ENOX1: variants seen among roughly 807,000 people sequenced by gnomAD.
The protein encoded by ENOX1 is ecto-NOX disulfide-thiol exchanger 1, also known as candidate growth-related and time keeping constitutive hydroquinone (NADH) oxidase.
ENOX1 carries 42 observed loss-of-function variants against 82.5 expected under a neutral mutation model. The observed-to-expected ratio is 0.51, with a 90% CI of 0.40 to 0.66. The LOEUF is 0.66. Among genes scored for constraint, ENOX1 ranks in the 30% least tolerant of loss-of-function variants. The pLI is 0.00. For synonymous variants in ENOX1, 271 were observed against 282.2 expected, an observed-to-expected ratio of 0.96 and a Z score of 0.40; for missense variants, 608 against 811.6, an observed-to-expected ratio of 0.75 and a Z score of 3.05.
At chr13:43,634,228 C>G (rs1296859002) in intron 2 of ENOX1, among the ~76,000 whole-genome samples, 2 of 152,160 alleles carry the variant, frequency 1.3e-5, no homozygotes, top group Non-Finnish European at 2.9e-5. Flanking sequence ...TCATCCTGGA[C>G]TAACCTAAGC....
chr13:43,765,152 T>A (rs1951195135), intron 1 of ENOX1, among the ~76,000 whole-genome samples: 1 of 152,136 alleles, frequency 6.6e-6, no homozygotes, highest in South Asian at 2.1e-4. Flanking sequence ...GTCATATTCC[T>A]CAACATGGCA....
chr13:43,339,006 C>T (rs1047324051), intron 9 of ENOX1, among the ~76,000 whole-genome samples: 2 of 152,132 alleles, frequency 1.3e-5, no homozygotes, highest in South Asian at 4.1e-4. Context: ...TTAATTACAG[C>T]CCCCTGACAC....
chr13:43,366,763 A>T (rs1361767840), intron 5 of ENOX1, among the ~76,000 whole-genome samples: 1 of 152,206 alleles, frequency 6.6e-6, no homozygotes, highest in Admixed American at 6.5e-5. Context: ...GGGAAATTTA[A>T]CTAATCATTC....
At chr13:43,700,079 T>C (rs547330756) in intron 1 of ENOX1, among the ~76,000 whole-genome samples, 40 of 152,314 alleles carry the variant, frequency 2.6e-4, no homozygotes, top group African/African-American at 8.7e-4. Flanking sequence ...TTAACAATTG[T>C]TTGTTTTTAA....
intron 3 of ENOX1, among the ~76,000 whole-genome samples, chr13:43,444,814 ACT>A (rs1363144573): frequency 6.6e-6 from 1 of 152,090 alleles, no homozygotes; most frequent in African/African-American, 2.4e-5. Context: ...TGGGGATTTC[ACT>A]CTTTTATTAT....
intron 6 of ENOX1, among the ~76,000 whole-genome samples, chr13:43,360,322 T>C (rs2050416427): frequency 6.6e-6 from 1 of 152,134 alleles, no homozygotes; most frequent in Non-Finnish European, 1.5e-5. Context: ...TTGCATAATT[T>C]CATTTCTCCT....
At chr13:43,662,669 C>T (rs2084791734) in intron 2 of ENOX1, among the ~76,000 whole-genome samples, 1 of 152,178 alleles carries the variant, frequency 6.6e-6, no homozygotes, top group Admixed American at 6.5e-5. Flanking sequence ...AGTTCTACCT[C>T]TGTAGCAGCC....
intron 3 of ENOX1, among the ~76,000 whole-genome samples, chr13:43,422,612 G>T (rs1003258309): frequency 6.6e-6 from 1 of 152,148 alleles, no homozygotes; most frequent in African/African-American, 2.4e-5. Flanking sequence ...TATCTTTGAA[G>T]AACTCTATAT....
At position 43,361,304 on chromosome 13, in the gene ENOX1, G is replaced by A. The variant is rs746177818; in HGVS notation, c.357C>T (p.Ser119=). The change falls in exon 6 of 17, where the codon AGC becomes AGT. Residue 119 remains serine, a synonymous_variant. Coordinates refer to ENST00000690772, the MANE Select transcript of ENOX1 (RefSeq NM_001347969.2). ...TTGGATTTTGAGGAAAAAGAGTACAGCTTTTGCAGTGGATTATTTCTTTGA... is the reference window on the plus strand; with the variant it reads ...TTGGATTTTGAGGAAAAAGAGTACAACTTTTGCAGTGGATTATTTCTTTGA... ...AVVKEIIHCK[S]CTLFPQNPNL... The A allele has an allele frequency of 3.1e-6, 5 of 1,613,590 alleles. No homozygotes were observed. Among genetic ancestry groups the A allele is most frequent in the South Asian group, 1.1e-5 (1 of 91,034 alleles).
chr13:43,676,627 T>C, intron 1 of ENOX1, among the ~76,000 whole-genome samples: 1 of 152,096 alleles, frequency 6.6e-6, no homozygotes, highest in East Asian at 1.9e-4. Flanking sequence ...ATAATATTTT[T>C]CCAAAGGACC....
intron 1 of ENOX1, among the ~76,000 whole-genome samples, chr13:43,741,417 G>T (rs1475430260): frequency 6.6e-6 from 1 of 152,094 alleles, no homozygotes; most frequent in African/African-American, 2.4e-5. Flanking sequence ...GTGTATGAGG[G>T]CTTCAAATTC....
intron 11 of ENOX1, 58 bp from the exon 12 acceptor site, chr13:43,298,588 C>G (rs1303944699): frequency 1.3e-6 from 2 of 1,486,058 alleles, no homozygotes; most frequent in Admixed American, 2.2e-5. Flanking sequence ...CTTGAGGAGG[C>G]CTTCTGTGGG....
chr13:43,685,976 C>G (rs1026432128), intron 1 of ENOX1, among the ~76,000 whole-genome samples: 1 of 151,324 alleles, frequency 6.6e-6, no homozygotes, highest in Non-Finnish European at 1.5e-5. Flanking sequence ...CATACAGCAA[C>G]CAAGGAGTCA....
At chr13:43,635,359 T>C (rs2083374146) in intron 2 of ENOX1, among the ~76,000 whole-genome samples, 1 of 152,212 alleles carries the variant, frequency 6.6e-6, no homozygotes, top group South Asian at 2.1e-4. Flanking sequence ...AAAATTATCC[T>C]TTCTACTGAT....
At chr13:43,723,863 A>G (rs1434210047) in intron 1 of ENOX1, among the ~76,000 whole-genome samples, 1 of 152,184 alleles carries the variant, frequency 6.6e-6, no homozygotes, top group African/African-American at 2.4e-5. Context: ...ACTCCAGAAT[A>G]TTTCATTAAG....
At chr13:43,514,312 C>G (rs2086668822) in intron 2 of ENOX1, among the ~76,000 whole-genome samples, 2 of 152,160 alleles carry the variant, frequency 1.3e-5, no homozygotes. Context: ...ATTCTTAAAC[C>G]AGAAGCAATT....
intron 1 of ENOX1, among the ~76,000 whole-genome samples, chr13:43,749,835 T>C (rs1233225160): frequency 6.6e-6 from 1 of 152,232 alleles, no homozygotes; most frequent in African/African-American, 2.4e-5. Context: ...TCATCTTATT[T>C]CAGTTTTTTA....
chr13:43,651,076 A>G (rs930970467), intron 2 of ENOX1, among the ~76,000 whole-genome samples: 2 of 152,136 alleles, frequency 1.3e-5, no homozygotes, highest in African/African-American at 2.4e-5. Context: ...CCGTGTTTCT[A>G]TGACAGTTAG....
At chr13:43,401,037 T>A in intron 5 of ENOX1, among the ~76,000 whole-genome samples, 1 of 151,948 alleles carries the variant, frequency 6.6e-6, no homozygotes, top group East Asian at 1.9e-4. Context: ...AAAATGGGGT[T>A]AATAATATTT....
Sources: allele counts gnomAD v4.1 joint callset (sites outside exome capture counted in the v4.1 genomes callset), GRCh38; gene constraint gnomAD v4.1.1; transcripts MANE v1.5; gene names NCBI Gene and HGNC (gene_info 2026-07-23, HGNC 2026-07-21).